Variants in RBM6 observed in about 807,000 individuals in gnomAD.
The protein encoded by RBM6 is RNA-binding protein 6.
In RBM6, 23 loss-of-function variants were observed where a neutral mutation model predicts 140.4. The observed-to-expected ratio is 0.16, with a 90% CI of 0.12 to 0.23. The LOEUF (loss-of-function observed/expected upper bound fraction) is 0.23. RBM6 is among the 10% of genes least tolerant of loss of function. The pLI is 1.00. For missense variants in RBM6, 1,139 were observed against 1,386.7 expected (o/e 0.82, Z 2.84); for synonymous variants, 439 against 475.6 (o/e 0.92, Z 1.00).
intron 5 of RBM6, among the ~76,000 whole-genome samples, chr3:49,989,255 A>G (rs1238780675): frequency 6.6e-6 from 1 of 152,172 alleles, no homozygotes; most frequent in African/African-American, 2.4e-5. Context: ...TCTGGCAGCA[A>G]TATAGGTTAT....
intron 6 of RBM6, among the ~76,000 whole-genome samples, chr3:50,047,742 T>A (rs1456645596): frequency 1.3e-5 from 2 of 152,212 alleles, no homozygotes; most frequent in African/African-American, 4.8e-5. Flanking sequence ...TTTGTCCTGG[T>A]GCTTTTGCCA....
At chr3:50,004,810 G>T (rs73079046) in intron 6 of RBM6, among the ~76,000 whole-genome samples, 6,626 of 151,954 alleles carry the variant, frequency 0.044, 223 homozygotes, top group Non-Finnish European at 0.061. Flanking sequence ...AACTCTGTTC[G>T]TAAAGATGGG....
At chr3:49,997,626 C>T (rs2086147651) in intron 5 of RBM6, among the ~76,000 whole-genome samples, 1 of 152,190 alleles carries the variant, frequency 6.6e-6, no homozygotes, top group South Asian at 2.1e-4. Context: ...CTAGAGAGTA[C>T]ACCTGTTTGT....
intron 14 of RBM6, 82 bp downstream of exon 14, chr3:50,061,629 A>G (rs2089948756): frequency 6.7e-7 from 1 of 1,492,504 alleles, no homozygotes; most frequent in African/African-American, 1.7e-5. Context: ...ATAATTTGCT[A>G]CTTGAGGATT....
At chr3:50,053,769 T>G (rs138868006) in intron 7 of RBM6, among the ~76,000 whole-genome samples, 447 of 152,332 alleles carry the variant, frequency 2.9e-3, no homozygotes, top group African/African-American at 9.9e-3. Flanking sequence ...TGTTCACATG[T>G]TCAGACAAAA....
intron 6 of RBM6, among the ~76,000 whole-genome samples, chr3:50,017,617 A>T (rs1201656593): frequency 6.6e-6 from 1 of 151,374 alleles, no homozygotes; most frequent in Non-Finnish European, 1.5e-5. Context: ...CCCATTTTTT[A>T]ATAGGGTTAT....
intron 17 of RBM6, among the ~76,000 whole-genome samples, chr3:50,068,269 T>A (rs2090181795): frequency 6.6e-6 from 1 of 152,134 alleles, no homozygotes; most frequent in African/African-American, 2.4e-5. Context: ...GCGTGAGGAA[T>A]TTGCAACTCT....
chr3:50,010,253 A>C (rs1489577885), intron 6 of RBM6, among the ~76,000 whole-genome samples: 4 of 152,154 alleles, frequency 2.6e-5, no homozygotes, highest in Non-Finnish European at 5.9e-5. Context: ...AATGATGTAT[A>C]TATTACCAAA....
At chr3:49,999,599 GA>G in intron 6 of RBM6, 86 bp downstream of exon 6, 2 of 1,164,684 alleles carry the variant, frequency 1.7e-6, no homozygotes, top group Non-Finnish European at 1.3e-6. Context: ...TTTTACTTTG[GA>G]AAGGTACAAG....
At chr3:50,048,423 C>G (rs2089315625) in intron 7 of RBM6, 104 bp downstream of exon 7, 2 of 1,505,446 alleles carry the variant, frequency 1.3e-6, no homozygotes, top group Non-Finnish European at 1.8e-6. Context: ...AAGGACAAAG[C>G]TCTTCTTCCT....
At position 50,058,424 on chromosome 3, in the gene RBM6, T is replaced by C. The variant is rs1169573104; in HGVS notation, c.1992T>C (p.Tyr664=). The C allele has an allele frequency of 1.2e-6, 2 of 1,610,770 alleles. No individual in the cohort carries two copies. Among genetic ancestry groups the C allele is most frequent in the Non-Finnish European group, 8.5e-7 (1 of 1,176,912 alleles). Residue 664 remains tyrosine, a synonymous_variant, in exon 10 of 21, where the codon TAT becomes TAC. Transcript: ENST00000266022. ...CAGCTATCATGCTAAAGCGTATCTA[T>C]CGTTCCACACCACCTGAGGTGATAG... is the stretch of plus-strand genomic sequence containing the variant. ...ESKTIMLKRI[Y]RSTPPEVIVE...
intron 6 of RBM6, among the ~76,000 whole-genome samples, chr3:50,039,147 A>T (rs548641250): frequency 1.2e-4 from 19 of 152,302 alleles, no homozygotes; most frequent in African/African-American, 4.6e-4. Flanking sequence ...TCTGAAGGGA[A>T]TTCTGAGAAT....
In RBM6 at chr3:50,077,173, TTTTG is replaced by T. The variant is rs746934900; in HGVS notation, c.*46_*49del. ...TCCATGGGATACAACCTCCCTCTTG[TTTTG>T]TTTGTCTCTCCTTTTCTTTTGTTAC... On this transcript the variant is annotated 3_prime_UTR_variant, in exon 21 of 21. Transcript: ENST00000266022. 3.2e-6 allele frequency: 5 copies of T among 1,570,544 alleles called. No individual in the cohort carries two copies. The highest frequency in any genetic ancestry group is 2.4e-5 in the South Asian group (2 of 84,944).
chr3:50,059,834 G>T, intron 11 of RBM6, 88 bp downstream of exon 11: 1 of 1,047,188 alleles, frequency 9.5e-7, no homozygotes, highest in Non-Finnish European at 1.4e-6. Context: ...AAACAGTAAA[G>T]CATGATGTTT....
At chr3:49,941,513 G>A (rs1215803995) in intron 1 of RBM6, among the ~76,000 whole-genome samples, 1 of 151,622 alleles carries the variant, frequency 6.6e-6, no homozygotes, top group African/African-American at 2.4e-5. Context: ...GGTGGCACAT[G>A]CCTGTAATCC....
chr3:50,073,195 G>A (rs2090359202), intron 19 of RBM6, among the ~76,000 whole-genome samples: 1 of 152,166 alleles, frequency 6.6e-6, no homozygotes, highest in African/African-American at 2.4e-5. Flanking sequence ...CCCTAATTAA[G>A]TCTTGCCCCC....
chr3:50,073,600 C>G (rs1019264367), intron 19 of RBM6, among the ~76,000 whole-genome samples: 5 of 152,210 alleles, frequency 3.3e-5, no homozygotes, highest in Admixed American at 6.5e-5. Context: ...ATCTCCCATT[C>G]TATTCCACCT....
rs143774129 is a variant in RBM6 at position 49,960,141 on chromosome 3, C to T, written c.-66-2435C>T. Among the ~76,000 whole-genome samples the T allele has an allele frequency of 2.3e-4, 35 of 152,204 alleles. No homozygotes were observed. In the East Asian group the frequency reaches 5.4e-3, roughly 23 times the overall value. ...CTTATGTCTGTCCTTCAAATACCCC[C>T]GCAGACAGGGTAGAACAGATATGTA... On this transcript the variant is annotated intron_variant, in intron 1 of 20. Transcript: ENST00000266022.
intron 3 of RBM6, among the ~76,000 whole-genome samples, chr3:49,971,355 G>T (rs13076567): frequency 6.6e-6 from 1 of 150,738 alleles, no homozygotes; most frequent in African/African-American, 2.4e-5. Context: ...TGAGGCAGGA[G>T]AATTGCTTGA....
Sources: allele counts gnomAD v4.1 joint callset (sites outside exome capture counted in the v4.1 genomes callset), GRCh38; gene constraint gnomAD v4.1.1; transcripts MANE v1.5; gene names NCBI Gene and HGNC (gene_info 2026-07-23, HGNC 2026-07-21).